The following CTNNA1 variants were observed in gnomAD, a reference collection of about 807,000 sequenced individuals.
CTNNA1 encodes the protein catenin alpha 1.
A neutral mutation model predicts 98.4 loss-of-function variants in CTNNA1; 37 were observed. The observed-to-expected ratio is 0.38, with a 90% CI of 0.29 to 0.49. The LOEUF (loss-of-function observed/expected upper bound fraction) is 0.49. CTNNA1 is among the 20% of genes least tolerant of loss of function. The pLI is 0.95. For synonymous variants in CTNNA1, 404 were observed against 413.2 expected (o/e 0.98, Z 0.27); for missense variants, 761 against 1,147.2 (o/e 0.66, Z 4.86).
Position 138,917,454 on chromosome 5 carries a change from A to C in CTNNA1, c.1390-288A>C, listed in dbSNP as rs151163656. 4.8e-3 allele frequency among the ~76,000 whole-genome samples: 726 copies of C among 152,360 alleles called. 3 individuals carry two copies. Among genetic ancestry groups the C allele is most frequent in the African/African-American group, 0.015 (609 of 41,578 alleles). ...TTTTGATGTGGCTATATATGTGTCT[A>C]TATGAGGAGAAAAAAGTCTAGAATT... On this transcript the variant is annotated intron_variant, in intron 10 of 17. Coordinates refer to ENST00000302763, the MANE Select transcript of CTNNA1 (RefSeq NM_001903.5).
chr5:138,772,879 GA>G (rs1753701394), intron 1 of CTNNA1, among the ~76,000 whole-genome samples: 1 of 121,796 alleles, frequency 8.2e-6, no homozygotes, highest in Non-Finnish European at 1.7e-5. Flanking sequence ...TTGGAGTATA[GA>G]ATTCAACTTC....
intron 5 of CTNNA1, among the ~76,000 whole-genome samples, chr5:138,821,812 T>C (rs975978050): frequency 2.0e-5 from 3 of 152,198 alleles, no homozygotes; most frequent in Non-Finnish European, 4.4e-5. Flanking sequence ...GAGACTCTAG[T>C]TTTGTAAATA....
chr5:138,904,763 C>T, intron 10 of CTNNA1: 1 of 227,874 alleles, frequency 4.4e-6, no homozygotes, highest in Non-Finnish European at 8.6e-6. Context: ...CTGAGACCAG[C>T]CTGGGCAACA....
In CTNNA1 at chr5:138,827,688, G is replaced by A. The variant is rs750655307; in HGVS notation, c.1032G>A (p.Leu344=). Residue 344 remains leucine (L), a synonymous_variant, in exon 7 of 18, where the codon CTG becomes CTA. Transcript: ENST00000302763. ...AGTGTAATGCTGTCCGCCAGGCCCT[G>A]CAGGACCTGCTTTCGGAGTACATGG... ...VAECNAVRQA[L]QDLLSEYMGN... is the part of the protein sequence containing the mutation. 1 of 1,614,224 alleles carries A rather than the reference G, an allele frequency of 6.2e-7. No homozygotes were observed. Among genetic ancestry groups the A allele is most frequent in the South Asian group, 1.1e-5 (1 of 91,082 alleles).
intron 1 of CTNNA1, among the ~76,000 whole-genome samples, chr5:138,770,419 A>G (rs1753410392): frequency 6.6e-6 from 1 of 152,190 alleles, no homozygotes; most frequent in East Asian, 1.9e-4. Context: ...GAGGAAATGA[A>G]CATAGATATC....
chr5:138,890,803 A>G (rs1755175592), intron 9 of CTNNA1, among the ~76,000 whole-genome samples: 1 of 152,246 alleles, frequency 6.6e-6, no homozygotes, highest in South Asian at 2.1e-4. Context: ...TCTCCTTAGC[A>G]TAAACTATCA....
chr5:138,878,637 A>G (rs1408385586), intron 7 of CTNNA1, among the ~76,000 whole-genome samples: 1 of 152,150 alleles, frequency 6.6e-6, no homozygotes, highest in African/African-American at 2.4e-5. Flanking sequence ...ATTCCTCCAC[A>G]TGAGAGTTTG....
At chr5:138,932,038 T>C in intron 16 of CTNNA1, 1 of 985,584 alleles carries the variant, frequency 1.0e-6, no homozygotes, top group Non-Finnish European at 1.2e-6. Flanking sequence ...CAACTGCTTT[T>C]TTTCTTGCTT....
At chr5:138,844,439 A>T (rs554457741) in intron 7 of CTNNA1, among the ~76,000 whole-genome samples, 19 of 152,314 alleles carry the variant, frequency 1.2e-4, no homozygotes, top group African/African-American at 4.6e-4. Context: ...GGCAGTAATC[A>T]GGTGTTTTTT....
At chr5:138,803,942 A>G (rs961867842) in intron 3 of CTNNA1, among the ~76,000 whole-genome samples, 2 of 152,208 alleles carry the variant, frequency 1.3e-5, no homozygotes, top group Admixed American at 1.3e-4. Context: ...ATCAGTAAGC[A>G]TGTTTTGAAA....
At chr5:138,897,676 A>G (rs1373377614) in intron 9 of CTNNA1, among the ~76,000 whole-genome samples, 1 of 152,184 alleles carries the variant, frequency 6.6e-6, no homozygotes. Flanking sequence ...AATTCTAAGC[A>G]TACTAGCTTG....
At chr5:138,844,154 T>A (rs1002170236) in intron 7 of CTNNA1, among the ~76,000 whole-genome samples, 1 of 152,100 alleles carries the variant, frequency 6.6e-6, no homozygotes, top group East Asian at 1.9e-4. Flanking sequence ...AATTTAAAAA[T>A]TTTTAAAATT....
intron 10 of CTNNA1, among the ~76,000 whole-genome samples, chr5:138,906,659 ATG>A (rs1759323562): frequency 6.6e-6 from 1 of 152,180 alleles, no homozygotes; most frequent in South Asian, 2.1e-4. Flanking sequence ...TCAGAAAGCA[ATG>A]TGTCTTCCTC....
intron 4 of CTNNA1, among the ~76,000 whole-genome samples, chr5:138,810,607 G>A (rs1049869016): frequency 7.2e-5 from 11 of 152,138 alleles, no homozygotes; most frequent in Non-Finnish European, 1.2e-4. Flanking sequence ...CAGGGTTGGG[G>A]GTAAGGTCAC....
chr5:138,873,148 T>C lies in CTNNA1; in HGVS notation c.1063-13064T>C. ...CTGACATGTTTGACATATGGAGTCG[T>C]GTTTGGGATCGGAGCTGCCTGTGGT... On this transcript the variant is annotated intron_variant, in intron 7 of 17. Transcript: ENST00000302763. This position sits in a 1 kb window ranked among gnomAD's most constrained non-coding sequence, Gnocchi z 6.1. 2 of 1,613,976 alleles carry C rather than the reference T, an allele frequency of 1.2e-6. No homozygotes were observed. The highest frequency in any genetic ancestry group is 1.7e-6 in the Non-Finnish European group (2 of 1,179,880).
intron 3 of CTNNA1, among the ~76,000 whole-genome samples, chr5:138,807,895 C>T (rs1488538477): frequency 6.6e-6 from 1 of 152,052 alleles, no homozygotes; most frequent in East Asian, 1.9e-4. Context: ...ATACAGGTGC[C>T]TGCCACCACA....
chr5:138,773,409 A>G (rs1753758727), intron 1 of CTNNA1, among the ~76,000 whole-genome samples: 1 of 152,336 alleles, frequency 6.6e-6, no homozygotes, highest in East Asian at 1.9e-4. Context: ...AGGCAGAGGG[A>G]ACACAGATGA....
intron 7 of CTNNA1, chr5:138,871,802 G>GAAAGAT (rs1216813501): frequency 7.2e-5 from 11 of 152,228 alleles, no homozygotes; most frequent in Admixed American, 6.5e-5. Flanking sequence ...CAGCGTGAAT[G>GAAAGAT]CGTATCTTTA....
At chr5:138,794,794 G>A (rs987111158) in intron 3 of CTNNA1, among the ~76,000 whole-genome samples, 4 of 152,190 alleles carry the variant, frequency 2.6e-5, no homozygotes, top group Non-Finnish European at 5.9e-5. Context: ...CTTGAAGTTA[G>A]GAGATAATTT....
Sources: gnomAD v4.1 joint callset for allele counts (sites outside exome capture counted in the v4.1 genomes callset) on GRCh38, gnomAD v4.1.1 for gene constraint, Gnocchi (gnomAD v3.1) non-coding constraint, MANE v1.5 for transcripts, NCBI Gene and HGNC (gene_info 2026-07-23, HGNC 2026-07-21) for gene names.